Variants in ADAMTS20 observed in about 807,000 individuals in gnomAD.
ADAMTS20 encodes the protein A disintegrin and metalloproteinase with thrombospondin motifs 20.
A neutral mutation model predicts 260.1 loss-of-function variants in ADAMTS20; 225 were observed. That is an observed-to-expected ratio of 0.87 (90% CI 0.78 to 0.97). The LOEUF (loss-of-function observed/expected upper bound fraction) is 0.97. Among genes scored for constraint, ADAMTS20 ranks in the 50% least tolerant of loss-of-function variants. The pLI is 0.00. For missense variants in ADAMTS20, 2,400 were observed against 2,337.7 expected (o/e 1.03, Z -0.55); for synonymous variants, 802 against 769.5 (o/e 1.04, Z -0.70).
chr12:43,439,625 G>T lies in ADAMTS20; in HGVS notation c.2590C>A (p.Gln864Lys). ...GPWEGCTKMC[Q>K]GLQRRNITCI... The stretch of plus-strand genomic sequence containing the variant: ...CCCTTATTGAATGCCAGCGTACCTT[G>T]ACACATTTTGGTACAGCCTTCCCAT... The change falls in exon 18 of 39, where the codon CAA becomes AAA. Residue 864 changes from glutamine to lysine, a missense_variant. Gln to Lys is a moderately conservative substitution (Grantham distance 53). Coordinates refer to ENST00000389420, the MANE Select transcript of ADAMTS20 (RefSeq NM_025003.5). 1 of 1,603,874 alleles carries T rather than the reference G, an allele frequency of 6.2e-7. No individual in the cohort carries two copies. Among genetic ancestry groups the T allele is most frequent in the South Asian group, 1.1e-5 (1 of 88,508 alleles).
chr12:43,432,575 T>C (rs774046435), intron 20 of ADAMTS20, 26 bp downstream of exon 20: 2 of 1,609,416 alleles, frequency 1.2e-6, no homozygotes, highest in Admixed American at 1.7e-5. Flanking sequence ...GGGGCAACTT[T>C]TTTTAAGCAA....
chr12:43,397,041 G>A (rs1343789929), intron 29 of ADAMTS20, among the ~76,000 whole-genome samples: 2 of 152,090 alleles, frequency 1.3e-5, no homozygotes, highest in African/African-American at 2.4e-5. Context: ...ACACGCTTAG[G>A]GGAAAGCTAC....
chr12:43,390,845 G>A (rs73100579), intron 29 of ADAMTS20, among the ~76,000 whole-genome samples: 5,614 of 152,156 alleles, frequency 0.037, 140 homozygotes, highest in South Asian at 0.069. Flanking sequence ...TGATCCATTC[G>A]TGGCACTATA....
chr12:43,450,174 T>A (rs1327519916), intron 14 of ADAMTS20, among the ~76,000 whole-genome samples: 2 of 151,862 alleles, frequency 1.3e-5, no homozygotes, highest in East Asian at 3.9e-4. Flanking sequence ...TGCTTATTTT[T>A]AAAAATGAAT....
rs1410899520 is a variant in ADAMTS20, at chr12:43,405,229, C to CCAAAAA, written c.4285-5997_4285-5996insTTTTTG. ...GTAACAAAATGAGACCTCATCTCTACAAAAAAAAAAAAAAAAAAAAAAAAA... is the reference window on the plus strand; with the variant it reads ...GTAACAAAATGAGACCTCATCTCTACCAAAAAAAAAAAAAAAAAAAAAAAAAAAAAA... On this transcript the variant is annotated intron_variant, in intron 28 of 38. Coordinates refer to ENST00000389420, the MANE Select transcript of ADAMTS20 (RefSeq NM_025003.5). Among the ~76,000 whole-genome samples the CCAAAAA allele has an allele frequency of 9.4e-3, 494 of 52,780 alleles. 110 individuals carry two copies. The highest frequency in any genetic ancestry group is 0.042 in the Middle Eastern group (2 of 48). 34.6% of individuals were successfully genotyped at this position (52,780 alleles called of 152,430 possible).
chr12:43,358,350 C>A (rs899324652), intron 37 of ADAMTS20, among the ~76,000 whole-genome samples: 1 of 152,108 alleles, frequency 6.6e-6, no homozygotes, highest in East Asian at 1.9e-4. Context: ...TTAGTCCTCA[C>A]TTAGAAAGCT....
At chr12:43,528,347 G>GAAAAAAAAAAA (rs1565583137) in intron 3 of ADAMTS20, among the ~76,000 whole-genome samples, 85 of 2,308 alleles carry the variant, frequency 0.037, 3 homozygotes, top group African/African-American at 0.06. Context: ...GCAATCCTAA[G>GAAAAAAAAAAA]CAAAAAAAAA....
At chr12:43,390,617 T>C (rs1251893718) in intron 29 of ADAMTS20, among the ~76,000 whole-genome samples, 4 of 152,234 alleles carry the variant, frequency 2.6e-5, no homozygotes, top group African/African-American at 9.6e-5. Context: ...AGTACAGTTC[T>C]GTCAGGTTTT....
chr12:43,467,734 A>T (rs1309075050), intron 8 of ADAMTS20, among the ~76,000 whole-genome samples: 1 of 152,132 alleles, frequency 6.6e-6, no homozygotes, highest in Admixed American at 6.6e-5. Context: ...TAGCTTGTTG[A>T]TGATTATGAG....
At chr12:43,433,300 G>A (rs917084664) in intron 19 of ADAMTS20, among the ~76,000 whole-genome samples, 11 of 152,046 alleles carry the variant, frequency 7.2e-5, no homozygotes, top group Admixed American at 2.0e-4. Flanking sequence ...ATGTTTCCAG[G>A]TAAAACATGT....
chr12:43,458,535 C>T (rs1942005748), intron 11 of ADAMTS20, among the ~76,000 whole-genome samples: 1 of 152,190 alleles, frequency 6.6e-6, no homozygotes, highest in Non-Finnish European at 1.5e-5. Flanking sequence ...GTTGGAAACT[C>T]ATTTACCCCA....
rs1211908861 is a variant in ADAMTS20 at position 43,443,814 on chromosome 12, C to A, written c.2267G>T (p.Gly756Val). 6.2e-7 allele frequency: 1 copy of A among 1,612,054 alleles called. No individual in the cohort carries two copies. The highest frequency in any genetic ancestry group is 1.3e-5 in the African/African-American group (1 of 74,884). ...ACCAAGGTAACTGTCATCTGGTTGTCCAGAATAGCTGTACTGACGAATGTC... is the reference window on the plus strand; with the variant it reads ...ACCAAGGTAACTGTCATCTGGTTGTACAGAATAGCTGTACTGACGAATGTC... ...NVDIRQYSYS[G>V]QPDDSYLALS... Residue 756 changes from glycine to valine, a missense_variant, in exon 16 of 39, where the codon GGA (glycine) becomes GTA (valine). By Grantham distance (109) the Gly-to-Val change is moderately radical. Coordinates refer to ENST00000389420, the MANE Select transcript of ADAMTS20 (RefSeq NM_025003.5).
intron 37 of ADAMTS20, among the ~76,000 whole-genome samples, chr12:43,366,303 G>A (rs753345223): frequency 1.4e-4 from 22 of 151,740 alleles, no homozygotes; most frequent in African/African-American, 4.1e-4. Flanking sequence ...TTATATATTC[G>A]TGTACAACAA....
At chr12:43,436,425 T>G (rs1249486180) in intron 18 of ADAMTS20, among the ~76,000 whole-genome samples, 2 of 152,116 alleles carry the variant, frequency 1.3e-5, no homozygotes, top group East Asian at 3.8e-4. Flanking sequence ...TATTTTCTAG[T>G]AGTCACGTTA....
chr12:43,480,032 T>C (rs1404334931), intron 7 of ADAMTS20, among the ~76,000 whole-genome samples: 5 of 152,128 alleles, frequency 3.3e-5, no homozygotes, highest in African/African-American at 1.2e-4. Context: ...TAAATGTTAC[T>C]AGTAAAAGAA....
intron 29 of ADAMTS20, among the ~76,000 whole-genome samples, chr12:43,393,212 A>G (rs925197366): frequency 2.0e-5 from 3 of 152,052 alleles, no homozygotes; most frequent in African/African-American, 7.2e-5. Flanking sequence ...ACTCCTTAAT[A>G]TGTATCCATT....
At chr12:43,417,970 G>C (rs1324174165) in intron 28 of ADAMTS20, among the ~76,000 whole-genome samples, 1 of 152,184 alleles carries the variant, frequency 6.6e-6, no homozygotes, top group Non-Finnish European at 1.5e-5. Context: ...AGTGAGATGA[G>C]GAGTGCCAGG....
intron 7 of ADAMTS20, among the ~76,000 whole-genome samples, chr12:43,471,778 G>C (rs1314253201): frequency 1.4e-5 from 2 of 140,714 alleles, no homozygotes; most frequent in East Asian, 2.2e-4. Flanking sequence ...TGAGGGTCCT[G>C]TCTGTTAGAA....
At chr12:43,550,311 T>C (rs1042749260) in intron 2 of ADAMTS20, among the ~76,000 whole-genome samples, 5 of 152,174 alleles carry the variant, frequency 3.3e-5, no homozygotes, top group African/African-American at 1.2e-4. Context: ...CACAAAAATA[T>C]AACAGACATA....
Sources: allele counts gnomAD v4.1 joint callset (sites outside exome capture counted in the v4.1 genomes callset), GRCh38; gene constraint gnomAD v4.1.1; transcripts MANE v1.5; gene names NCBI Gene and HGNC (gene_info 2026-07-23, HGNC 2026-07-21).